Variants in PCDH7 observed in about 807,000 individuals in gnomAD.
PCDH7 encodes the protein protocadherin 7, also known as protocadherin-7.
In PCDH7, 17 loss-of-function variants were observed where a neutral mutation model predicts 58.9. The observed-to-expected ratio is 0.29, with a 90% CI of 0.20 to 0.43. The LOEUF (loss-of-function observed/expected upper bound fraction) is 0.43, where lower values mean the gene tolerates loss of function less well. PCDH7 is among the 20% of genes least tolerant of loss of function. The probability of loss-of-function intolerance (pLI) is 1.00; values close to 1 mark genes in which losing one functional copy is unlikely to be tolerated. For missense variants in PCDH7, 1,274 were observed against 1,441.0 expected, an observed-to-expected ratio of 0.88 and a Z score of 1.88; for synonymous variants, 664 against 616.4, an observed-to-expected ratio of 1.08 and a Z score of -1.14.
At chr4:31,087,761 G>A (rs892700905) in intron 3 of PCDH7, among the ~76,000 whole-genome samples, 1 of 151,952 alleles carries the variant, frequency 6.6e-6, no homozygotes, top group Non-Finnish European at 1.5e-5. Context: ...GCATTCAGAC[G>A]AATTACATTA....
chr4:30,738,821 T>C (rs184213154), intron 1 of PCDH7, among the ~76,000 whole-genome samples: 3 of 152,068 alleles, frequency 2.0e-5, no homozygotes, highest in Non-Finnish European at 2.9e-5. Flanking sequence ...ATTCTTCTTA[T>C]GAAAGCACAG....
At chr4:30,980,988 G>A (rs1231568258) in intron 3 of PCDH7, among the ~76,000 whole-genome samples, 5 of 152,022 alleles carry the variant, frequency 3.3e-5, no homozygotes, top group Non-Finnish European at 4.4e-5. Context: ...GACTACAGAC[G>A]TGTGCCACCA....
intron 3 of PCDH7, among the ~76,000 whole-genome samples, chr4:31,056,379 AGAAAGAAG>A (rs1183734503): frequency 5.3e-5 from 8 of 150,698 alleles, no homozygotes; most frequent in African/African-American, 1.7e-4. Flanking sequence ...AAAGGAAGAA[AGAAAGAAG>A]GAAAGAAGGA....
chr4:30,759,188 C>T (rs964662178), intron 1 of PCDH7, among the ~76,000 whole-genome samples: 4 of 152,148 alleles, frequency 2.6e-5, no homozygotes, highest in South Asian at 4.2e-4. Flanking sequence ...GCCATCCGCC[C>T]GCCCTGGCCT....
At chr4:30,959,730 C>T (rs1261877904) in intron 3 of PCDH7, among the ~76,000 whole-genome samples, 2 of 152,118 alleles carry the variant, frequency 1.3e-5, no homozygotes, top group Non-Finnish European at 2.9e-5. Context: ...AACTTAGATA[C>T]TTAAACTGCA....
At chr4:30,856,830 A>G (rs539037521) in intron 1 of PCDH7, among the ~76,000 whole-genome samples, 52 of 152,128 alleles carry the variant, frequency 3.4e-4, no homozygotes, top group African/African-American at 1.3e-3. Flanking sequence ...TTGACTTTCA[A>G]AATTCACATT....
chr4:30,845,993 T>G (rs1160113385), intron 1 of PCDH7, among the ~76,000 whole-genome samples: 9 of 152,190 alleles, frequency 5.9e-5, no homozygotes, highest in Admixed American at 5.9e-4. Flanking sequence ...TGAATTTTCA[T>G]CTTGGAATTA....
chr4:31,104,415 A>G (rs1363528769), intron 3 of PCDH7, among the ~76,000 whole-genome samples: 2 of 152,194 alleles, frequency 1.3e-5, no homozygotes, highest in Admixed American at 6.5e-5. Context: ...CACAATCTCT[A>G]TGATTTACAC....
downstream of PCDH7, chr4:31,142,976 C>A: frequency 1.7e-6 from 1 of 579,004 alleles, no homozygotes; most frequent in Non-Finnish European, 2.7e-6. Flanking sequence ...TTGCCTGCCA[C>A]TTCTGCCTCC....
At chr4:30,763,068 C>A (rs1220216286) in intron 1 of PCDH7, among the ~76,000 whole-genome samples, 1 of 152,062 alleles carries the variant, frequency 6.6e-6, no homozygotes, top group Non-Finnish European at 1.5e-5. Flanking sequence ...CATGGTGAAA[C>A]CCCGTCTCTA....
intron 1 of PCDH7, among the ~76,000 whole-genome samples, chr4:30,755,126 G>A (rs975343783): frequency 3.3e-5 from 5 of 152,118 alleles, no homozygotes; most frequent in South Asian, 2.1e-4. Flanking sequence ...TCTTATGTCC[G>A]TTTAAGATTA....
chr4:31,029,798 C>A (rs149352409), intron 3 of PCDH7, among the ~76,000 whole-genome samples: 10 of 152,154 alleles, frequency 6.6e-5, no homozygotes, highest in African/African-American at 2.4e-4. Flanking sequence ...GCCCTTAGCT[C>A]TGGGTTGGGG....
intron 1 of PCDH7, among the ~76,000 whole-genome samples, chr4:30,768,214 A>G (rs1720987317): frequency 6.6e-6 from 1 of 151,778 alleles, no homozygotes; most frequent in Admixed American, 6.6e-5. Flanking sequence ...GTTGTATCTT[A>G]TTTGATCTCT....
chr4:30,764,707 G>GTGTT (rs35644257), intron 1 of PCDH7, among the ~76,000 whole-genome samples: 1,632 of 150,628 alleles, frequency 0.011, 16 homozygotes, highest in Middle Eastern at 0.017. Flanking sequence ...TATATGTTTG[G>GTGTT]TGTTTGTTTG....
At chr4:31,112,501 T>A (rs975502648) in intron 3 of PCDH7, among the ~76,000 whole-genome samples, 1 of 152,208 alleles carries the variant, frequency 6.6e-6, no homozygotes, top group Non-Finnish European at 1.5e-5. Flanking sequence ...ACATCTTTCA[T>A]GAGGCAAAAC....
In PCDH7 at chr4:30,765,125, C is replaced by CTTTTTTTTTTTTTTTTTT. The variant is rs10692198; in HGVS notation, c.70+40538_70+40555dup. On this transcript the variant is annotated intron_variant, in intron 1 of 3. Coordinates refer to the PCDH7 transcript ENST00000509759. The stretch of plus-strand genomic sequence containing the variant: ...GGAAAGAGAGATAGGACTTCAGATG[C>CTTTTTTTTTTTTTTTTTT]TTTTTTTTTTTTTTTTTTTTTTTTT... Among the ~76,000 whole-genome samples the CTTTTTTTTTTTTTTTTTT allele has an allele frequency of 5.7e-4, 28 of 49,214 alleles. 10 individuals carry two copies. Among genetic ancestry groups the CTTTTTTTTTTTTTTTTTT allele is most frequent in the South Asian group, 2.2e-3 (2 of 906 alleles). 32.3% of individuals were successfully genotyped at this position (49,214 alleles called of 152,430 possible). A position where few individuals can be genotyped will look rare whatever the true frequency, so the allele number is the denominator to read the frequency against.
chr4:31,046,679 G>T (rs1756318353), intron 3 of PCDH7, among the ~76,000 whole-genome samples: 1 of 151,842 alleles, frequency 6.6e-6, no homozygotes, highest in Admixed American at 6.6e-5. Flanking sequence ...TCTTCTAAGT[G>T]ACTTAGATTT....
rs558746858 is a variant in PCDH7, at chr4:30,923,312, G to C, written c.287+2943G>C. On this transcript the variant is annotated intron_variant, in intron 2 of 3. Coordinates refer to the PCDH7 transcript ENST00000509759. ...AACAAACCAGGAATAAGTTAGGATAGCTAATGATAAAAATACATTTTCACA... is the reference window on the plus strand; with the variant it reads ...AACAAACCAGGAATAAGTTAGGATACCTAATGATAAAAATACATTTTCACA... Among the ~76,000 whole-genome samples, 5 of 152,242 alleles carry C rather than the reference G, an allele frequency of 3.3e-5. No individual in the cohort carries two copies. The East Asian group carries it at 7.7e-4, about 23-fold the overall frequency.
intron 3 of PCDH7, among the ~76,000 whole-genome samples, chr4:31,003,112 T>C (rs1200364246): frequency 1.3e-5 from 2 of 152,224 alleles, no homozygotes; most frequent in Non-Finnish European, 2.9e-5. Flanking sequence ...TTAAAATTTC[T>C]TTAAAAATAC....
Sources: gnomAD v4.1 joint callset for allele counts (sites outside exome capture counted in the v4.1 genomes callset) on GRCh38, gnomAD v4.1.1 for gene constraint, MANE v1.5 for transcripts, NCBI Gene and HGNC (gene_info 2026-07-23, HGNC 2026-07-21) for gene names.